MYBPC2: variants seen among roughly 807,000 people sequenced by gnomAD.
The protein encoded by MYBPC2 is myosin binding protein C2, also known as myosin-binding protein C, fast-type.
In MYBPC2, 122 loss-of-function variants were observed where a neutral mutation model predicts 137.0. The ratio of observed to expected loss-of-function variants is 0.89; its 90% CI spans 0.77 to 1.03. MYBPC2 has a LOEUF of 1.03. MYBPC2 is among the 50% of genes least tolerant of loss of function. The pLI is 0.00. For missense variants in MYBPC2, 1,500 were observed against 1,534.4 expected (o/e 0.98, Z 0.37); for synonymous variants, 626 against 612.3 (o/e 1.02, Z -0.33).
At position 50,435,153 on chromosome 19, in the gene MYBPC2, C is replaced by T. The variant is rs772487306; in HGVS notation, c.20-8C>T. 11 of 1,288,950 alleles carry T rather than the reference C, an allele frequency of 8.5e-6. No individual in the cohort carries two copies. Among genetic ancestry groups the T allele is most frequent in the Admixed American group, 1.8e-5 (1 of 57,102 alleles). 79.8% of individuals were successfully genotyped at this position (1,288,950 alleles called of 1,614,324 possible). ...CATGCTCAACTATGACTGTCCCCTA[C>T]CTTACAGCGGCCAAAAAGGCCCCCA... is the stretch of plus-strand genomic sequence containing the variant. On this transcript the variant is annotated splice_region_variant and splice_polypyrimidine_tract_variant and intron_variant, in intron 1 of 27. Transcript: ENST00000357701. The surrounding 1 kb of genome is among the most constrained non-coding windows in gnomAD (Gnocchi z 4.8).
intron 18 of MYBPC2, among the ~76,000 whole-genome samples, chr19:50,454,583 G>A (rs1167986915): frequency 6.6e-6 from 1 of 151,682 alleles, no homozygotes; most frequent in Non-Finnish European, 1.5e-5. Flanking sequence ...CCACCACCAC[G>A]CCCGGCTAAT....
At chr19:50,446,848 A>T (rs1468215457) in intron 12 of MYBPC2, among the ~76,000 whole-genome samples, 1 of 149,806 alleles carries the variant, frequency 6.7e-6, no homozygotes, top group Non-Finnish European at 1.5e-5. Context: ...TTAGCCGAGC[A>T]TGGTGGCACA....
intron 8 of MYBPC2, among the ~76,000 whole-genome samples, chr19:50,441,572 G>T (rs976342596): frequency 1.3e-5 from 2 of 152,190 alleles, no homozygotes; most frequent in Non-Finnish European, 2.9e-5. Context: ...GGGTGCAGTG[G>T]CTCACGCCTG....
rs761936958 is a variant in MYBPC2 at position 50,451,322 on chromosome 19, G to A, written c.1609+13G>A. 8.7e-6 allele frequency: 14 copies of A among 1,613,332 alleles called. No homozygotes were observed. Among genetic ancestry groups the A allele is most frequent in the East Asian group, 2.2e-5 (1 of 44,896 alleles). ...GTTCCCAAGCAAGGTGAGCACCACGGGCTGCGCTGGGAGCGGGTCTGAGGG... is the reference window on the plus strand; with the variant it reads ...GTTCCCAAGCAAGGTGAGCACCACGAGCTGCGCTGGGAGCGGGTCTGAGGG... On this transcript the variant is annotated intron_variant, in intron 15 of 27. Coordinates refer to ENST00000357701, the MANE Select transcript of MYBPC2 (RefSeq NM_004533.4).
At chr19:50,453,993 G>A (rs749387877) in intron 16 of MYBPC2, 27 bp from the exon 17 acceptor site, 2 of 1,569,400 alleles carry the variant, frequency 1.3e-6, no homozygotes, top group East Asian at 2.3e-5. Flanking sequence ...ACGATGGGGT[G>A]CAAGGCCATC....
At chr19:50,442,158 C>G (rs1369473341) in intron 8 of MYBPC2, 23 bp from the exon 9 acceptor site, 2 of 1,574,230 alleles carry the variant, frequency 1.3e-6, no homozygotes, top group Admixed American at 3.7e-5. Context: ...GCCTCCATCC[C>G]CTTTGCATGC....
At chr19:50,456,435 C>CT (rs573334192) in intron 20 of MYBPC2, among the ~76,000 whole-genome samples, 105,057 of 132,212 alleles carry the variant, frequency 0.79, 42,770 homozygotes, top group African/African-American at 0.91. Flanking sequence ...CTCTCTCTCT[C>CT]TTTTTTTTTT....
chr19:50,451,809 T>A, intron 15 of MYBPC2, 55 bp from the exon 16 acceptor site: 1 of 1,558,672 alleles, frequency 6.4e-7, no homozygotes, highest in Non-Finnish European at 8.7e-7. Flanking sequence ...TTGTGGGAAC[T>A]GGGAAGGCCC....
At position 50,443,737 on chromosome 19, in the gene MYBPC2, C is replaced by G; in HGVS notation, c.1054C>G (p.Leu352Val). The change falls in exon 11 of 28, where the codon CTT (leucine) becomes GTT (valine). Residue 352 changes from leucine (L) to valine (V), a missense_variant. By Grantham distance (32) the Leu-to-Val change is conservative. Coordinates refer to ENST00000357701, the MANE Select transcript of MYBPC2 (RefSeq NM_004533.4). The stretch of plus-strand genomic sequence containing the variant: ...ACCTCCAGTCCTAATTGTCACACCT[C>G]TTGAGGACCAGCAGGTGTTTGTGGG... ...KEPPVLIVTP[L>V]EDQQVFVGDR... 1 of 1,613,930 alleles carries G rather than the reference C, an allele frequency of 6.2e-7. No homozygotes were observed.
At chr19:50,456,217 A>G (rs1194043898) in intron 20 of MYBPC2, among the ~76,000 whole-genome samples, 1 of 113,838 alleles carries the variant, frequency 8.8e-6, no homozygotes, top group Non-Finnish European at 1.8e-5. Flanking sequence ...ACCCATCCAT[A>G]TTTCCATCTA....
intron 20 of MYBPC2, 26 bp downstream of exon 20, chr19:50,455,670 G>C (rs745686689): frequency 4.3e-5 from 69 of 1,611,294 alleles, no homozygotes; most frequent in Non-Finnish European, 5.3e-5. Context: ...AGGGCTGGTG[G>C]GGGTGGTGGC....
At chr19:50,452,508 G>GTATGTATGTATCTATCTATCTATCTATC (rs1433850781) in intron 16 of MYBPC2, among the ~76,000 whole-genome samples, 1 of 114,650 alleles carries the variant, frequency 8.7e-6, no homozygotes, top group African/African-American at 3.0e-5. Flanking sequence ...ATGTATGTAT[G>GTATGTATGTATCTATCTATCTATCTATC]TATCTATCTA....
chr19:50,445,486 G>A (rs567975226), intron 11 of MYBPC2, among the ~76,000 whole-genome samples: 109 of 150,172 alleles, frequency 7.3e-4, no homozygotes, highest in African/African-American at 2.3e-3. Flanking sequence ...TCTGCCTCCC[G>A]GATTCAAGCA....
rs1255211935 is a variant in MYBPC2 at position 50,459,254 on chromosome 19, C to T, written c.2739C>T (p.Ser913=). 3 of 1,610,898 alleles carry T rather than the reference C, an allele frequency of 1.9e-6. No homozygotes were observed. The highest frequency in any genetic ancestry group is 2.2e-5 in the East Asian group (1 of 44,700). ...ARSDSGEYEL[S]VQIENMKDTA... ...CCGACTCCGGGGAGTACGAGCTGAG[C>T]GTGCAGATCGAGAACATGAAGGACA... The change falls in exon 23 of 28, where the codon AGC becomes AGT. Residue 913 remains serine, a synonymous_variant. Transcript: ENST00000357701.
At chr19:50,450,409 C>T (rs1265281930) in intron 13 of MYBPC2, among the ~76,000 whole-genome samples, 1 of 152,026 alleles carries the variant, frequency 6.6e-6, no homozygotes, top group Non-Finnish European at 1.5e-5. Context: ...GCGTGAGCCA[C>T]CATGCCCGGC....
Position 50,455,122 on chromosome 19 carries a change from C to G in MYBPC2, c.2029C>G (p.Arg677Gly), listed in dbSNP as rs746502452. The G allele has an allele frequency of 6.2e-7, 1 of 1,612,508 alleles. No individual in the cohort carries two copies. Among genetic ancestry groups the G allele is most frequent in the African/African-American group, 1.3e-5 (1 of 74,842 alleles). ...GKPVTGYLVE[R>G]KKKGSQRWMK... The stretch of plus-strand genomic sequence containing the variant: ...GGAGCCTCCAGGGTACCTCGTAGAG[C>G]GGAAGAAGAAGGGCTCTCAGCGCTG... Residue 677 changes from arginine (R) to glycine (G), a missense_variant, in exon 19 of 28, where the codon CGG becomes GGG. By Grantham distance (125) the Arg-to-Gly change is moderately radical (BLOSUM62 -2). Coordinates refer to ENST00000357701, the MANE Select transcript of MYBPC2 (RefSeq NM_004533.4).
At position 50,436,124 on chromosome 19, in the gene MYBPC2, C is replaced by G. The variant is rs1310503688; in HGVS notation, c.309C>G (p.Arg103=). Residue 103 remains arginine (R), a synonymous_variant, in exon 4 of 28, where the codon CGC becomes CGG. Coordinates refer to ENST00000357701, the MANE Select transcript of MYBPC2 (RefSeq NM_004533.4). The part of the protein sequence containing the change: ...WLELGSKSGA[R]FSFKESHNSA... ...AGCTGGGCAGCAAGAGTGGCGCCCG[C>G]TTCTCCTTCAAGGAGTCCCACAACT... 6.3e-7 allele frequency: 1 copy of G among 1,581,956 alleles called. No individual in the cohort carries two copies. Among genetic ancestry groups the G allele is most frequent in the Non-Finnish European group, 8.6e-7 (1 of 1,164,458 alleles).
Position 50,435,972 on chromosome 19 carries a change from G to A in MYBPC2, c.197-40G>A, listed in dbSNP as rs1409224090. 6.4e-7 allele frequency: 1 copy of A among 1,557,422 alleles called. No homozygotes were observed. The stretch of plus-strand genomic sequence containing the variant: ...TCTGGAGAGCCTTATGTTCCTTCCT[G>A]GGCCTCCTCCCACTCTACCCTGTCA... On this transcript the variant is annotated intron_variant, in intron 3 of 27. Coordinates refer to ENST00000357701, the MANE Select transcript of MYBPC2 (RefSeq NM_004533.4). This position sits in a 1 kb window ranked among gnomAD's most constrained non-coding sequence, Gnocchi z 4.8.
At chr19:50,464,679 A>T in intron 27 of MYBPC2, 147 bp downstream of exon 27, 1 of 982,214 alleles carries the variant, frequency 1.0e-6, no homozygotes, top group Non-Finnish European at 1.4e-6. Flanking sequence ...TGCTGTCCTG[A>T]AGGCAGCACA....
Sources: gnomAD v4.1 joint callset for allele counts (sites outside exome capture counted in the v4.1 genomes callset) on GRCh38, gnomAD v4.1.1 for gene constraint, Gnocchi (gnomAD v3.1) non-coding constraint, MANE v1.5 for transcripts, NCBI Gene and HGNC (gene_info 2026-07-23, HGNC 2026-07-21) for gene names.